Variants in DERL2 observed in about 807,000 individuals in gnomAD.
DERL2 encodes the protein derlin 2.
Under a neutral mutation model 32.0 loss-of-function variants are expected in DERL2, and 13 were observed. The observed-to-expected ratio is 0.41, with a 90% confidence interval of 0.26 to 0.65. The LOEUF is 0.65. DERL2 is among the 30% of genes least tolerant of loss of function. The pLI is 0.35. For missense variants in DERL2, 208 were observed against 296.3 expected, an observed-to-expected ratio of 0.70 and a Z score of 2.19; for synonymous variants, 111 against 104.7, an observed-to-expected ratio of 1.06 and a Z score of -0.37.
In DERL2 at chr17:5,473,728, G is replaced by C. The variant is rs530003300; in HGVS notation, c.*956C>G. 6.6e-6 allele frequency: 1 copy of C among 150,828 alleles called. No homozygotes were observed. The highest frequency in any genetic ancestry group is 2.4e-5 in the African/African-American group (1 of 41,006). 9.3% of individuals were successfully genotyped at this position (150,828 alleles called of 1,614,324 possible). A position where few individuals can be genotyped will look rare whatever the true frequency, so the allele number is the denominator to read the frequency against. On this transcript the variant is annotated 3_prime_UTR_variant, in exon 7 of 7. Coordinates refer to ENST00000158771, the MANE Select transcript of DERL2 (RefSeq NM_016041.5). ...GCACTTTGGGAGGCTGAGGTGGGAGGATTGCTTGAGTCCAGGAGTTCAAGA... is the reference window on the plus strand; with the variant it reads ...GCACTTTGGGAGGCTGAGGTGGGAGCATTGCTTGAGTCCAGGAGTTCAAGA...
intron 5 of DERL2, 79 bp from the exon 6 acceptor site, chr17:5,480,223 T>A: frequency 8.1e-7 from 1 of 1,236,682 alleles, no homozygotes; most frequent in Non-Finnish European, 1.2e-6. Context: ...ACAAATTGCC[T>A]ATATTTAGGA....
chr17:5,479,917 A>G (rs1206621023), intron 6 of DERL2, 137 bp downstream of exon 6: 1 of 595,842 alleles, frequency 1.7e-6, no homozygotes, highest in Non-Finnish European at 3.0e-6. Flanking sequence ...CTTCAACTGT[A>G]GCCAGAATGC....
chr17:5,484,447 C>T (rs979863875), intron 2 of DERL2, among the ~76,000 whole-genome samples: 2 of 152,234 alleles, frequency 1.3e-5, no homozygotes, highest in African/African-American at 4.8e-5. Context: ...AGGGCTTTAC[C>T]ATGTTGGCCA....
intron 2 of DERL2, among the ~76,000 whole-genome samples, chr17:5,483,937 A>C (rs1193719194): frequency 6.6e-6 from 1 of 152,248 alleles, no homozygotes; most frequent in Non-Finnish European, 1.5e-5. Flanking sequence ...TTAACTATTA[A>C]AGTTGAAACA....
rs1905191396 is a variant in DERL2 at position 5,473,032 on chromosome 17, T to C, written c.*1652A>G. On this transcript the variant is annotated 3_prime_UTR_variant, in exon 7 of 7. Transcript: ENST00000158771. ...AATACCATTAGTTATGCAATTCCATTTAAAGACATTAAAACACTTTTCACT... is the reference window on the plus strand; with the variant it reads ...AATACCATTAGTTATGCAATTCCATCTAAAGACATTAAAACACTTTTCACT... 1 of 152,214 alleles carries C rather than the reference T, an allele frequency of 6.6e-6. No individual in the cohort carries two copies. Among genetic ancestry groups the C allele is most frequent in the Non-Finnish European group, 1.5e-5 (1 of 68,034 alleles). 9.4% of individuals were successfully genotyped at this position (152,214 alleles called of 1,614,324 possible). A position where few individuals can be genotyped will look rare whatever the true frequency, so the allele number is the denominator to read the frequency against.
chr17:5,476,759 T>C (rs1186976582), intron 6 of DERL2, among the ~76,000 whole-genome samples: 3 of 151,992 alleles, frequency 2.0e-5, no homozygotes, highest in Non-Finnish European at 2.9e-5. Context: ...CAAGCCTGGG[T>C]GACAGAGCAA....
intron 2 of DERL2, among the ~76,000 whole-genome samples, chr17:5,484,676 G>C (rs2151710228): frequency 6.6e-6 from 1 of 152,344 alleles, no homozygotes; most frequent in Admixed American, 6.5e-5. Flanking sequence ...CAATTTAAAA[G>C]CACTAACAGA....
chr17:5,485,031 C>T (rs959745939), intron 2 of DERL2, 120 bp downstream of exon 2: 22 of 591,910 alleles, frequency 3.7e-5, no homozygotes, highest in Non-Finnish European at 5.0e-5. Context: ...GACAAGGCAA[C>T]TTATAATCAA....
chr17:5,480,263 T>C lies in DERL2; in HGVS notation c.524-119A>G, dbSNP rs537489860. The C allele has an allele frequency of 4.1e-5, 50 of 1,223,766 alleles. No homozygotes were observed. In the East Asian group the frequency reaches 1.2e-3, roughly 29 times the overall value. The allele number at this position is 1,223,766 out of a possible 1,614,324, so 75.8% of individuals were successfully genotyped here. On this transcript the variant is annotated intron_variant, in intron 5 of 6. Transcript: ENST00000158771. ...TGTCAACATAATTATTAAAAATTAA[T>C]GAACTAATATTGTGGTATTTTACAA...
intron 6 of DERL2, among the ~76,000 whole-genome samples, chr17:5,475,362 C>T (rs2151699751): frequency 6.6e-6 from 1 of 151,622 alleles, no homozygotes; most frequent in South Asian, 2.1e-4. Context: ...CGGATTCAAG[C>T]AATTCTCCTG....
chr17:5,486,669 C>T (rs935731202), upstream of DERL2: 1 of 153,266 alleles, frequency 6.5e-6, no homozygotes, highest in African/African-American at 2.4e-5. Context: ...AAATCGTCAC[C>T]CTCATGGTCG....
chr17:5,483,867 C>A (rs557880381), intron 2 of DERL2, among the ~76,000 whole-genome samples: 1 of 152,122 alleles, frequency 6.6e-6, no homozygotes, highest in Non-Finnish European at 1.5e-5. Flanking sequence ...GAGTATTGTG[C>A]GAACACAGTG....
At position 5,486,078 on chromosome 17, in the gene DERL2, G is replaced by A. The variant is rs199811655; in HGVS notation, c.84C>T (p.Thr28=). The A allele has an allele frequency of 6.3e-5, 101 of 1,610,502 alleles. No individual in the cohort carries two copies. In the East Asian group the frequency reaches 2.2e-3, roughly 34 times the overall value. Residue 28 remains threonine, a synonymous_variant, in exon 1 of 7, where the codon ACC becomes ACT. Transcript: ENST00000158771. ...RAYTTACVLT[T]AAVQLELITP... ...CACTGCAGCTGCTCACCACGGCGGC[G>A]GTGGTGAGGACGCAGGCAGTGGTGT...
chr17:5,482,115 T>G (rs1346177939), intron 3 of DERL2, among the ~76,000 whole-genome samples: 2 of 152,196 alleles, frequency 1.3e-5, no homozygotes, highest in Non-Finnish European at 2.9e-5. Flanking sequence ...AGCACCTCAG[T>G]CAATAAAGAT....
Position 5,479,456 on chromosome 17 carries a change from C to T in DERL2, c.614+598G>A, listed in dbSNP as rs71368551. ...GAAAGAGGTCTCATAAATCAAAGTT[C>T]TACTGCACTCCAGCCTAGGTAACAG... On this transcript the variant is annotated intron_variant, in intron 6 of 6. Transcript: ENST00000158771. 5.5e-4 allele frequency among the ~76,000 whole-genome samples: 69 copies of T among 125,366 alleles called. 2 individuals carry two copies. The Admixed American group carries it at 6.6e-3, about 12-fold the overall frequency. The allele number at this position is 125,366 out of a possible 152,430, so 82.2% of individuals were successfully genotyped here.
At chr17:5,483,651 T>G (rs1168171028) in intron 2 of DERL2, among the ~76,000 whole-genome samples, 1 of 152,182 alleles carries the variant, frequency 6.6e-6, no homozygotes, top group Non-Finnish European at 1.5e-5. Flanking sequence ...GACTAAAAGT[T>G]GACTGACTAG....
chr17:5,474,424 G>C lies in DERL2; in HGVS notation c.*260C>G. ...ATAAAAATCAAGTACTCATGTACTT[G>C]TTAGAGGTGGCAGGATATTTGTTTC... On this transcript the variant is annotated 3_prime_UTR_variant, in exon 7 of 7. Coordinates refer to ENST00000158771, the MANE Select transcript of DERL2 (RefSeq NM_016041.5). The surrounding 1 kb of genome is among the most constrained non-coding windows in gnomAD (Gnocchi z 4.3). The C allele has an allele frequency of 2.7e-6, 1 of 368,290 alleles. No homozygotes were observed. The highest frequency in any genetic ancestry group is 5.4e-5 in the East Asian group (1 of 18,642). The allele number at this position is 368,290 out of a possible 1,614,324, so 22.8% of individuals were successfully genotyped here.
chr17:5,481,451 T>C lies in DERL2; in HGVS notation c.234-62A>G, dbSNP rs967337730. ...ATATGAACAAAGTAAAAATTTAATG[T>C]TATCTTGTAAGTACACTTGGATTCC... On this transcript the variant is annotated intron_variant, in intron 3 of 6. Coordinates refer to ENST00000158771, the MANE Select transcript of DERL2 (RefSeq NM_016041.5). The surrounding 1 kb of genome is among the most constrained non-coding windows in gnomAD (Gnocchi z 4.4). The C allele has an allele frequency of 1.4e-5, 17 of 1,173,256 alleles. No individual in the cohort carries two copies. Among genetic ancestry groups the C allele is most frequent in the African/African-American group, 4.6e-5 (3 of 65,460 alleles). The allele number at this position is 1,173,256 out of a possible 1,614,324, so 72.7% of individuals were successfully genotyped here.
Position 5,481,191 on chromosome 17 carries a change from G to T in DERL2, c.327+105C>A. 2.4e-6 allele frequency: 2 copies of T among 838,736 alleles called. No individual in the cohort carries two copies. The allele number at this position is 838,736 out of a possible 1,614,324, so 52.0% of individuals were successfully genotyped here. On this transcript the variant is annotated intron_variant, in intron 4 of 6. Transcript: ENST00000158771. The surrounding 1 kb of genome is among the most constrained non-coding windows in gnomAD (Gnocchi z 4.4). ...AAAATGTGCTGTAAAATAAATGATA[G>T]TGCCCTGAAGCTAAGATCTAGAGAA...
Sources: gnomAD v4.1 joint callset for allele counts (sites outside exome capture counted in the v4.1 genomes callset) on GRCh38, gnomAD v4.1.1 for gene constraint, Gnocchi (gnomAD v3.1) non-coding constraint, MANE v1.5 for transcripts, NCBI Gene and HGNC (gene_info 2026-07-23, HGNC 2026-07-21) for gene names.